The following ABI2 variants were observed in gnomAD, a reference collection of about 807,000 sequenced individuals.
ABI2 encodes abelson interactor 2.
A neutral mutation model predicts 59.2 loss-of-function variants in ABI2; 25 were observed. The observed-to-expected ratio is 0.42, with a 90% CI of 0.31 to 0.59. ABI2 has a LOEUF of 0.59. ABI2 is among the 20% of genes least tolerant of loss of function. The pLI, the probability that ABI2 is intolerant of heterozygous loss-of-function variation, is 0.14. For missense variants in ABI2, 545 were observed against 681.8 expected (o/e 0.80, Z 2.23); for synonymous variants, 213 against 235.5 (o/e 0.90, Z 0.87).
At chr2:203,403,742 G>GGT (rs775287796) in intron 9 of ABI2, among the ~76,000 whole-genome samples, 3 of 95,302 alleles carry the variant, frequency 3.1e-5, no homozygotes, top group Non-Finnish European at 3.9e-5. Context: ...CTTTCTTTCT[G>GGT]TTTTTTTTTT....
intron 11 of ABI2, among the ~76,000 whole-genome samples, chr2:203,420,202 T>C (rs1174509830): frequency 6.6e-6 from 1 of 152,220 alleles, no homozygotes; most frequent in African/African-American, 2.4e-5. Context: ...GGATTGAGTC[T>C]TGGCTTTACA....
At chr2:203,336,926 T>C (rs1559148628) in intron 1 of ABI2, among the ~76,000 whole-genome samples, 1 of 152,184 alleles carries the variant, frequency 6.6e-6, no homozygotes, top group African/African-American at 2.4e-5. Context: ...AAGATCCAGT[T>C]GTTCTTCATC....
intron 2 of ABI2, chr2:203,367,323 C>CTTT (rs35598384): frequency 2.1e-4 from 35 of 167,922 alleles, no homozygotes; most frequent in East Asian, 4.0e-4. Context: ...ATTCCCCCGC[C>CTTT]TTTTTTTTTT....
chr2:203,408,461 C>T (rs1379325756), intron 9 of ABI2, among the ~76,000 whole-genome samples: 2 of 151,974 alleles, frequency 1.3e-5, no homozygotes, highest in Non-Finnish European at 2.9e-5. Flanking sequence ...CCGTGCCTGG[C>T]TGCTGGTGTA....
At chr2:203,368,202 T>G (rs1270421621) in intron 2 of ABI2, among the ~76,000 whole-genome samples, 5 of 152,146 alleles carry the variant, frequency 3.3e-5, no homozygotes, top group African/African-American at 1.2e-4. Flanking sequence ...TCCCATATTT[T>G]GGGGCCATTT....
chr2:203,383,472 TG>T (rs2096263650), intron 4 of ABI2, among the ~76,000 whole-genome samples: 1 of 152,154 alleles, frequency 6.6e-6, no homozygotes, highest in Non-Finnish European at 1.5e-5. Context: ...ACCTCCAAAG[TG>T]ATAGAAATAC....
chr2:203,395,448 TAC>T (rs59156204), intron 6 of ABI2, among the ~76,000 whole-genome samples: 3,850 of 115,246 alleles, frequency 0.033, 100 homozygotes, highest in East Asian at 0.08. Flanking sequence ...TATATATATA[TAC>T]ACACACACAC....
chr2:203,343,391 G>T (rs1256763457), intron 1 of ABI2, among the ~76,000 whole-genome samples: 1 of 152,150 alleles, frequency 6.6e-6, no homozygotes, highest in South Asian at 2.1e-4. Context: ...AATGTTAGCA[G>T]GTTAGTTTGT....
At chr2:203,353,475 A>G (rs994228280) in intron 1 of ABI2, among the ~76,000 whole-genome samples, 2 of 151,998 alleles carry the variant, frequency 1.3e-5, no homozygotes, top group Non-Finnish European at 1.5e-5. Context: ...GAGGTGCTTC[A>G]TTTATGTATT....
chr2:203,394,954 T>A, intron 6 of ABI2, 108 bp downstream of exon 6: 1 of 1,254,704 alleles, frequency 8.0e-7, no homozygotes, highest in Non-Finnish European at 1.1e-6. Flanking sequence ...TTTTCCTCAC[T>A]CTATTCTCCC....
intron 2 of ABI2, among the ~76,000 whole-genome samples, chr2:203,370,778 G>A (rs926611753): frequency 1.3e-5 from 2 of 152,124 alleles, no homozygotes; most frequent in African/African-American, 4.8e-5. Flanking sequence ...GGTTCAGTCA[G>A]GTCAAAGACA....
intron 2 of ABI2, among the ~76,000 whole-genome samples, chr2:203,368,386 G>C (rs2153020127): frequency 6.6e-6 from 1 of 152,102 alleles, no homozygotes; most frequent in East Asian, 1.9e-4. Flanking sequence ...AGACCTAAAT[G>C]ATTAGAACTA....
At chr2:203,377,287 C>T (rs900381864) in intron 2 of ABI2, among the ~76,000 whole-genome samples, 2 of 152,142 alleles carry the variant, frequency 1.3e-5, no homozygotes, top group African/African-American at 4.8e-5. Flanking sequence ...GCACTCCAGC[C>T]TCTGTGACAG....
chr2:203,421,780 A>G (rs1011446178), intron 11 of ABI2, among the ~76,000 whole-genome samples: 1 of 152,084 alleles, frequency 6.6e-6, no homozygotes. Context: ...TCCAGCCAAC[A>G]TGGTGAAACC....
intron 1 of ABI2, among the ~76,000 whole-genome samples, chr2:203,338,956 AT>A (rs2078020535): frequency 5.2e-4 from 3 of 5,782 alleles, no homozygotes; most frequent in African/African-American, 1.5e-3. Flanking sequence ...ATATATATAT[AT>A]ATATAAATAT....
chr2:203,359,009 C>T (rs1263121854), intron 1 of ABI2, among the ~76,000 whole-genome samples: 3 of 151,972 alleles, frequency 2.0e-5, no homozygotes, highest in Non-Finnish European at 4.4e-5. Context: ...GAGACTCTGT[C>T]TCAAAAAAAC....
chr2:203,389,076 A>G (rs1407587537), intron 4 of ABI2, among the ~76,000 whole-genome samples: 1 of 152,328 alleles, frequency 6.6e-6, no homozygotes, highest in East Asian at 1.9e-4. Context: ...AAATTAAGAT[A>G]TGCAGTTTTA....
chr2:203,337,215 G>T (rs1026401419), intron 1 of ABI2, among the ~76,000 whole-genome samples: 2 of 152,148 alleles, frequency 1.3e-5, no homozygotes, highest in African/African-American at 2.4e-5. Flanking sequence ...GTCTCTGTTT[G>T]CAAATGACAT....
chr2:203,398,407 C>T (rs2097092930), intron 8 of ABI2, among the ~76,000 whole-genome samples: 1 of 152,086 alleles, frequency 6.6e-6, no homozygotes, highest in Non-Finnish European at 1.5e-5. Flanking sequence ...GCTCAGTGTT[C>T]ACTAAATAAA....
Sources: allele counts gnomAD v4.1 joint callset (sites outside exome capture counted in the v4.1 genomes callset), GRCh38; gene constraint gnomAD v4.1.1; transcripts MANE v1.5; gene names NCBI Gene and HGNC (gene_info 2026-07-23, HGNC 2026-07-21).